Variants in CHD1L observed in about 807,000 individuals in gnomAD.
CHD1L encodes the protein chromodomain helicase DNA binding protein 1 like, also known as ATP-dependent chromatin remodeler CHD1L.
CHD1L carries 118 observed loss-of-function variants against 115.9 expected under a neutral mutation model. The ratio of observed to expected loss-of-function variants is 1.02; its 90% CI spans 0.88 to 1.19. CHD1L has a LOEUF of 1.19. Among genes scored for constraint, CHD1L ranks in the 50% most tolerant of loss-of-function variants. The pLI is 0.00. For synonymous variants in CHD1L, 411 were observed against 387.1 expected, an observed-to-expected ratio of 1.06 and a Z score of -0.72; for missense variants, 1,179 against 1,065.3, an observed-to-expected ratio of 1.11 and a Z score of -1.49.
chr1:147,189,683 C>T, the CHD1L span, among the ~76,000 whole-genome samples: 3 of 152,186 alleles, frequency 2.0e-5, no homozygotes, highest in African/African-American at 7.2e-5. Context: ...ACCATGTTCC[C>T]AACTCACAGT....
chr1:147,212,570 G>T, the CHD1L span: 20 of 1,587,146 alleles, frequency 1.3e-5, no homozygotes, highest in Non-Finnish European at 1.7e-5. Context: ...TTGGGTAATG[G>T]TTTACATGAT....
chr1:147,221,302 A>G, the CHD1L span, among the ~76,000 whole-genome samples: 2 of 152,216 alleles, frequency 1.3e-5, no homozygotes, highest in African/African-American at 4.8e-5. Context: ...TAATGTATCA[A>G]TATTGGTTCA....
rs72999648 is a variant in CHD1L at position 147,275,229 on chromosome 1, G to A, written c.1271-125G>A. ...TGGAGTTAGGGGTGTGGGTCCATTTGAAGGATGAAGCCAATTGTTTTGACT... is the reference window on the plus strand; with the variant it reads ...TGGAGTTAGGGGTGTGGGTCCATTTAAAGGATGAAGCCAATTGTTTTGACT... On this transcript the variant is annotated intron_variant, in intron 12 of 22. Coordinates refer to ENST00000369258, the MANE Select transcript of CHD1L (RefSeq NM_004284.6). 3,141 of 725,726 alleles carry A rather than the reference G, an allele frequency of 4.3e-3. 56 individuals are homozygous for A. The African/African-American group carries it at 0.049, about 11-fold the overall frequency. 45.0% of individuals were successfully genotyped at this position (725,726 alleles called of 1,614,324 possible).
At chr1:147,179,276 A>C in the CHD1L span, 13 of 1,609,946 alleles carry the variant, frequency 8.1e-6, no homozygotes, top group Non-Finnish European at 1.0e-5. Flanking sequence ...AATTTTGATG[A>C]AATAGTGAAT....
chr1:147,254,415 A>C (rs1669378780), intron 2 of CHD1L, among the ~76,000 whole-genome samples: 1 of 152,132 alleles, frequency 6.6e-6, no homozygotes, highest in Admixed American at 6.5e-5. Flanking sequence ...GAAGTGAGGG[A>C]GGAAGGAAAG....
At chr1:147,253,276 GT>G (rs1284627211) in intron 2 of CHD1L, among the ~76,000 whole-genome samples, 3 of 152,090 alleles carry the variant, frequency 2.0e-5, no homozygotes, top group African/African-American at 7.2e-5. Context: ...GACACATCTG[GT>G]TTATAGTAAT....
intron 21 of CHD1L, among the ~76,000 whole-genome samples, chr1:147,293,982 C>T (rs181663244): frequency 1.3e-5 from 2 of 152,208 alleles, no homozygotes; most frequent in Non-Finnish European, 1.5e-5. Context: ...TGGCAGAGGA[C>T]TAGACATGAA....
intron 9 of CHD1L, among the ~76,000 whole-genome samples, chr1:147,267,891 T>TA (rs1180233358): frequency 2.0e-5 from 3 of 152,188 alleles, no homozygotes; most frequent in Admixed American, 6.6e-5. Context: ...GCTGGGTTCT[T>TA]AAAAATCATT....
At chr1:147,202,312 CTTTTTTTTTTT>C in the CHD1L span, among the ~76,000 whole-genome samples, 897 of 77,494 alleles carry the variant, frequency 0.012, 5 homozygotes, top group Middle Eastern at 0.028. Context: ...AAAAGCAGTT[CTTTTTTTTTTT>C]TTTTTTTTTT....
At chr1:147,231,981 C>T in the CHD1L span, among the ~76,000 whole-genome samples, 1,107 of 152,276 alleles carry the variant, frequency 7.3e-3, 10 homozygotes, top group Middle Eastern at 0.027. Context: ...GAACCCAGTA[C>T]CTCAGTTGGA....
intron 15 of CHD1L, among the ~76,000 whole-genome samples, chr1:147,282,571 T>C (rs1553962603): frequency 2.0e-5 from 3 of 152,210 alleles, no homozygotes; most frequent in African/African-American, 7.2e-5. Flanking sequence ...AACTTTTTCA[T>C]CCACCATTGC....
chr1:147,183,850 G>A, the CHD1L span, among the ~76,000 whole-genome samples: 2 of 152,182 alleles, frequency 1.3e-5, no homozygotes, highest in Non-Finnish European at 2.9e-5. Flanking sequence ...AACAGGCCCA[G>A]TATTAAGTAA....
chr1:147,180,078 A>C, the CHD1L span, among the ~76,000 whole-genome samples: 2 of 152,278 alleles, frequency 1.3e-5, no homozygotes, highest in South Asian at 4.1e-4. Context: ...CTGGGAAAGA[A>C]TATATAAGAA....
intron 14 of CHD1L, 77 bp downstream of exon 14, chr1:147,276,334 C>A: frequency 7.4e-7 from 1 of 1,353,222 alleles, no homozygotes; most frequent in Non-Finnish European, 9.9e-7. Flanking sequence ...TGAAAAGAAC[C>A]AGCACTCACC....
At chr1:147,291,343 G>A in intron 19 of CHD1L, 139 bp from the exon 20 acceptor site, 1 of 688,590 alleles carries the variant, frequency 1.5e-6, no homozygotes, top group Non-Finnish European at 2.6e-6. Flanking sequence ...GGTTGACTGA[G>A]GCCAGGAAAG....
At chr1:147,279,756 T>C (rs1300724389) in intron 14 of CHD1L, among the ~76,000 whole-genome samples, 1 of 152,136 alleles carries the variant, frequency 6.6e-6, no homozygotes, top group Non-Finnish European at 1.5e-5. Flanking sequence ...TTCAAAAAAA[T>C]TGGAGGCTTA....
the CHD1L span, chr1:147,184,520 G>A: frequency 6.5e-7 from 1 of 1,546,608 alleles, no homozygotes; most frequent in Non-Finnish European, 8.7e-7. This position sits in a 1 kb window ranked among gnomAD's most constrained non-coding sequence, Gnocchi z 4.4. Context: ...CTTTATTCCG[G>A]GACAATTTCT....
chr1:147,224,919 G>A, the CHD1L span: 16 of 1,614,044 alleles, frequency 9.9e-6, no homozygotes, highest in Non-Finnish European at 1.0e-5. Flanking sequence ...GCCCTCCGAT[G>A]TCATCAGTCC....
chr1:147,243,937 G>A (rs1245623941), intron 1 of CHD1L, among the ~76,000 whole-genome samples: 1 of 152,232 alleles, frequency 6.6e-6, no homozygotes, highest in African/African-American at 2.4e-5. Flanking sequence ...AAGACTGAAA[G>A]ATGAAGTTGA....
Sources: allele counts gnomAD v4.1 joint callset (sites outside exome capture counted in the v4.1 genomes callset), GRCh38; gene constraint gnomAD v4.1.1; non-coding constraint Gnocchi (gnomAD v3.1); transcripts MANE v1.5; gene names NCBI Gene and HGNC (gene_info 2026-07-23, HGNC 2026-07-21).